Variants in GTF2IRD1 observed in about 807,000 individuals in gnomAD.
The protein encoded by GTF2IRD1 is general transcription factor II-I repeat domain-containing protein 1.
Under a neutral mutation model 113.2 loss-of-function variants are expected in GTF2IRD1, and 26 were observed. The observed-to-expected ratio is 0.23, with a 90% CI of 0.17 to 0.32. The LOEUF is 0.32. Among genes scored for constraint, GTF2IRD1 ranks in the 10% least tolerant of loss-of-function variants. The probability of loss-of-function intolerance (pLI) is 1.00; values close to 1 mark genes in which losing one functional copy is unlikely to be tolerated. For synonymous variants in GTF2IRD1, 484 were observed against 529.1 expected (o/e 0.91, Z 1.17); for missense variants, 864 against 1,280.8 (o/e 0.67, Z 4.97).
Position 74,530,064 on chromosome 7 carries a change from G to A in GTF2IRD1, c.1274+147G>A, listed in dbSNP as rs1203512254. ...GTCTCTATTAACAATACAAAAATTA[G>A]CCAGGTGTGGTGGTGGGTGCCTGTA... On this transcript the variant is annotated intron_variant, in intron 9 of 26. Coordinates refer to ENST00000424337, the MANE Select transcript of GTF2IRD1 (RefSeq NM_005685.4). 4 of 569,864 alleles carry A rather than the reference G, an allele frequency of 7.0e-6. No homozygotes were observed. The African/African-American group carries it at 7.5e-5, about 11-fold the overall frequency. 35.3% of individuals were successfully genotyped at this position (569,864 alleles called of 1,614,324 possible).
intron 25 of GTF2IRD1, among the ~76,000 whole-genome samples, chr7:74,596,450 A>G (rs1334861769): frequency 7.4e-6 from 1 of 135,502 alleles, no homozygotes; most frequent in African/African-American, 2.8e-5. Flanking sequence ...ACAGAGCAAG[A>G]CTCTGTCTCA....
At chr7:74,493,404 C>T (rs1795476533) in intron 1 of GTF2IRD1, among the ~76,000 whole-genome samples, 1 of 151,842 alleles carries the variant, frequency 6.6e-6, no homozygotes, top group South Asian at 2.1e-4. Flanking sequence ...AGCTACCGCG[C>T]CCGGCCATGA....
intron 2 of GTF2IRD1, among the ~76,000 whole-genome samples, chr7:74,510,569 A>G (rs1720855677): frequency 6.6e-6 from 1 of 150,866 alleles, no homozygotes; most frequent in Admixed American, 6.6e-5. Context: ...TCAGCCTCCC[A>G]AAGTGCTGGG....
At chr7:74,519,273 A>C in intron 5 of GTF2IRD1, 136 bp from the exon 6 acceptor site, 1 of 574,794 alleles carries the variant, frequency 1.7e-6, no homozygotes, top group Non-Finnish European at 2.9e-6. Flanking sequence ...GTGAAGTGGA[A>C]GAGCAGCTCC....
At chr7:74,467,235 C>A (rs571047982) in intron 1 of GTF2IRD1, among the ~76,000 whole-genome samples, 1 of 152,212 alleles carries the variant, frequency 6.6e-6, no homozygotes, top group African/African-American at 2.4e-5. Flanking sequence ...AGGGGTGAGC[C>A]CCCATGCCCG....
chr7:74,463,272 G>A (rs1793496411), intron 1 of GTF2IRD1, among the ~76,000 whole-genome samples: 1 of 152,126 alleles, frequency 6.6e-6, no homozygotes, highest in Non-Finnish European at 1.5e-5. Context: ...GTCTCGTTCT[G>A]TCACCCAGGC....
At chr7:74,502,218 C>T (rs552221697) in intron 1 of GTF2IRD1, among the ~76,000 whole-genome samples, 35 of 152,304 alleles carry the variant, frequency 2.3e-4, no homozygotes, top group Admixed American at 2.1e-3. Flanking sequence ...GAATTATAGG[C>T]GTGAGCCACC....
intron 17 of GTF2IRD1, among the ~76,000 whole-genome samples, chr7:74,554,577 C>T (rs1205315178): frequency 6.6e-6 from 1 of 152,128 alleles, no homozygotes; most frequent in Non-Finnish European, 1.5e-5. Flanking sequence ...CTTACTCTGT[C>T]ACCCAGGCTG....
chr7:74,591,151 C>A, intron 24 of GTF2IRD1, 134 bp downstream of exon 24: 1 of 496,956 alleles, frequency 2.0e-6, no homozygotes, highest in Non-Finnish European at 3.6e-6. Context: ...TCTCCTGAAA[C>A]ATACAACTTC....
intron 22 of GTF2IRD1, among the ~76,000 whole-genome samples, chr7:74,580,953 C>T (rs1801381163): frequency 2.0e-5 from 3 of 152,172 alleles, no homozygotes; most frequent in Admixed American, 6.5e-5. Flanking sequence ...CAGGGGAGCT[C>T]AGGCAGGTCC....
intron 9 of GTF2IRD1, among the ~76,000 whole-genome samples, chr7:74,532,317 G>C (rs148201666): frequency 1.3e-5 from 2 of 152,178 alleles, no homozygotes; most frequent in Non-Finnish European, 2.9e-5. Flanking sequence ...ACTTGGAAAG[G>C]CTGAGACAGG....
In GTF2IRD1 at chr7:74,494,925, A is replaced by AT. The variant is rs1359622641; in HGVS notation, c.-6-13142dup. ...CACTACCATGCCTAGCTAATTTTAA[A>AT]TTTTTTTTGTAGAGATGGGGGGTCT... is the stretch of plus-strand genomic sequence containing the variant. On this transcript the variant is annotated intron_variant, in intron 1 of 26. Coordinates refer to ENST00000424337, the MANE Select transcript of GTF2IRD1 (RefSeq NM_005685.4). Among the ~76,000 whole-genome samples the AT allele has an allele frequency of 1.3e-4, 19 of 151,728 alleles. No individual in the cohort carries two copies. In the South Asian group the frequency reaches 4.0e-3, roughly 32 times the overall value.
At chr7:74,524,182 G>A in intron 8 of GTF2IRD1, 28 bp downstream of exon 8, 1 of 1,495,536 alleles carries the variant, frequency 6.7e-7, no homozygotes, top group Non-Finnish European at 9.3e-7. Context: ...CCCGCCGTGT[G>A]GCCCCAGCAG....
intron 16 of GTF2IRD1, among the ~76,000 whole-genome samples, chr7:74,546,039 G>A (rs1798906428): frequency 6.6e-6 from 1 of 151,910 alleles, no homozygotes; most frequent in African/African-American, 2.4e-5. Context: ...TGCCTCAGTC[G>A]CAGGTTGGAG....
intron 9 of GTF2IRD1, among the ~76,000 whole-genome samples, chr7:74,532,173 C>G (rs1407606322): frequency 1.3e-5 from 2 of 152,158 alleles, no homozygotes; most frequent in African/African-American, 2.4e-5. Flanking sequence ...CAATGCCCCC[C>G]CAGGGAATGG....
chr7:74,585,014 C>T (rs1440156790), intron 22 of GTF2IRD1, among the ~76,000 whole-genome samples: 1 of 151,710 alleles, frequency 6.6e-6, no homozygotes, highest in Non-Finnish European at 1.5e-5. Context: ...GTTGGACAGG[C>T]TGGTCTCGAA....
In GTF2IRD1 at chr7:74,512,752, TC is replaced by T; in HGVS notation, c.124-75del. On this transcript the variant is annotated intron_variant, in intron 2 of 26. Coordinates refer to ENST00000424337, the MANE Select transcript of GTF2IRD1 (RefSeq NM_005685.4). This position sits in a 1 kb window ranked among gnomAD's most constrained non-coding sequence, Gnocchi z 4.4. ...GGTCTCAGGCAGCTGGGAGCTCACA[TC>T]CCACCCCCGAAGTGGATACTAGAGG... is the stretch of plus-strand genomic sequence containing the variant. 7.0e-7 allele frequency: 1 copy of T among 1,420,626 alleles called. No individual in the cohort carries two copies. The highest frequency in any genetic ancestry group is 9.7e-7 in the Non-Finnish European group (1 of 1,032,710). 88.0% of individuals were successfully genotyped at this position (1,420,626 alleles called of 1,614,324 possible).
At chr7:74,589,667 C>T (rs1801935831) in intron 22 of GTF2IRD1, among the ~76,000 whole-genome samples, 184 bp from the exon 23 acceptor site, 1 of 151,562 alleles carries the variant, frequency 6.6e-6, no homozygotes, top group Admixed American at 6.6e-5. Flanking sequence ...CACTGCACTC[C>T]AGCCTGGGCA....
chr7:74,482,064 G>A (rs1228936588), intron 1 of GTF2IRD1, among the ~76,000 whole-genome samples: 1 of 152,148 alleles, frequency 6.6e-6, no homozygotes, highest in Non-Finnish European at 1.5e-5. Context: ...AGCATGGGGT[G>A]AGGGGGCCAG....
Sources: gnomAD v4.1 joint callset for allele counts (sites outside exome capture counted in the v4.1 genomes callset) on GRCh38, gnomAD v4.1.1 for gene constraint, Gnocchi (gnomAD v3.1) non-coding constraint, MANE v1.5 for transcripts, NCBI Gene and HGNC (gene_info 2026-07-23, HGNC 2026-07-21) for gene names.